The following SEMA3A variants were observed in gnomAD, a reference collection of about 807,000 sequenced individuals.
SEMA3A encodes semaphorin 3A.
In SEMA3A, 29 loss-of-function variants were observed where a neutral mutation model predicts 97.9. The ratio of observed to expected loss-of-function variants is 0.30; its 90% CI spans 0.22 to 0.40. The LOEUF (loss-of-function observed/expected upper bound fraction) is 0.40. Among genes scored for constraint, SEMA3A ranks in the 10% least tolerant of loss-of-function variants. The probability of loss-of-function intolerance (pLI) is 1.00; values close to 1 mark genes in which losing one functional copy is unlikely to be tolerated. For missense variants in SEMA3A, 763 were observed against 951.3 expected, an observed-to-expected ratio of 0.80 and a Z score of 2.60; for synonymous variants, 321 against 323.7, an observed-to-expected ratio of 0.99 and a Z score of 0.09.
At chr7:84,195,021 AGAAAG>A (rs1798179046), upstream of SEMA3A, 4 of 109,432 alleles carry the variant, frequency 3.7e-5, no homozygotes, top group Non-Finnish European at 6.0e-5. Flanking sequence ...AGAGAGAGAG[AGAAAG>A]AGAGAGAGAG....
At chr7:83,982,117 CA>C (rs1789437822) in intron 13 of SEMA3A, among the ~76,000 whole-genome samples, 1 of 152,130 alleles carries the variant, frequency 6.6e-6, no homozygotes, top group Non-Finnish European at 1.5e-5. Context: ...TCTGCCAAAC[CA>C]AAAGCTGAAG....
At chr7:84,394,432 T>C (rs548873933) in intron 1 of SEMA3A, among the ~76,000 whole-genome samples, 2 of 152,218 alleles carry the variant, frequency 1.3e-5, no homozygotes, top group African/African-American at 2.4e-5. Flanking sequence ...TTCTGTGCAT[T>C]GTTTGCTAGT....
chr7:84,335,314 G>A (rs999452212), intron 2 of SEMA3A, among the ~76,000 whole-genome samples: 1 of 152,022 alleles, frequency 6.6e-6, no homozygotes, highest in Non-Finnish European at 1.5e-5. Context: ...TACAAATTTT[G>A]CACCTTTATT....
chr7:84,223,571 A>G (rs1229454262), intron 3 of SEMA3A, among the ~76,000 whole-genome samples: 6 of 151,924 alleles, frequency 3.9e-5, no homozygotes. Context: ...TTATGTTTCA[A>G]AATTCAACTC....
chr7:84,441,206 T>G (rs1027511041), intron 1 of SEMA3A, among the ~76,000 whole-genome samples: 5 of 151,212 alleles, frequency 3.3e-5, no homozygotes, highest in Non-Finnish European at 7.4e-5. Flanking sequence ...AAACAGAAAC[T>G]GACCCTGAAA....
intron 1 of SEMA3A, among the ~76,000 whole-genome samples, chr7:84,443,896 T>A: frequency 7.0e-6 from 1 of 142,914 alleles, no homozygotes; most frequent in African/African-American, 2.6e-5. Flanking sequence ...TTTTTTTTTT[T>A]TTTTTTTTGA....
At chr7:84,394,135 A>T (rs1803662983) in intron 1 of SEMA3A, among the ~76,000 whole-genome samples, 1 of 151,164 alleles carries the variant, frequency 6.6e-6, no homozygotes, top group Non-Finnish European at 1.5e-5. Flanking sequence ...AAGAAGGATT[A>T]GGAAAAATAG....
chr7:84,375,683 G>C (rs966590911), intron 1 of SEMA3A, among the ~76,000 whole-genome samples: 6 of 152,078 alleles, frequency 3.9e-5, no homozygotes, highest in African/African-American at 1.4e-4. Flanking sequence ...TATCATCTTA[G>C]TGTTGGGAAT....
chr7:84,145,431 A>C (rs1796433980), intron 1 of SEMA3A, among the ~76,000 whole-genome samples: 1 of 152,170 alleles, frequency 6.6e-6, no homozygotes, highest in African/African-American at 2.4e-5. Flanking sequence ...AATGCAACAA[A>C]AATTTAGAAA....
At chr7:84,428,876 G>C (rs779240117) in intron 1 of SEMA3A, among the ~76,000 whole-genome samples, 7 of 152,046 alleles carry the variant, frequency 4.6e-5, no homozygotes, top group Non-Finnish European at 1.0e-4. Flanking sequence ...GTTATTTAAT[G>C]AGAGGGAGAA....
intron 1 of SEMA3A, among the ~76,000 whole-genome samples, chr7:84,417,447 A>C (rs1269510053): frequency 6.6e-6 from 1 of 152,088 alleles, no homozygotes; most frequent in Non-Finnish European, 1.5e-5. Context: ...ACTGATAAAC[A>C]TGTATAAATG....
intron 2 of SEMA3A, among the ~76,000 whole-genome samples, chr7:84,344,194 G>C (rs965273536): frequency 1.3e-5 from 2 of 152,064 alleles, no homozygotes; most frequent in African/African-American, 4.8e-5. Context: ...ATGGATTTTT[G>C]ACAATACTTT....
At chr7:84,350,244 C>T (rs970960067) in intron 2 of SEMA3A, among the ~76,000 whole-genome samples, 3 of 152,082 alleles carry the variant, frequency 2.0e-5, no homozygotes, top group African/African-American at 7.2e-5. Flanking sequence ...TTCTACATCT[C>T]CTCCTTTACT....
chr7:84,303,530 C>G (rs1204500703), intron 3 of SEMA3A, among the ~76,000 whole-genome samples: 1 of 150,828 alleles, frequency 6.6e-6, no homozygotes, highest in African/African-American at 2.4e-5. Context: ...AATAGGTGAA[C>G]ATATTGACTA....
chr7:84,211,993 C>T (rs190838293), intron 3 of SEMA3A, among the ~76,000 whole-genome samples: 1 of 152,248 alleles, frequency 6.6e-6, no homozygotes, highest in African/African-American at 2.4e-5. Flanking sequence ...TAATGTCATG[C>T]ATATCCACGT....
chr7:83,966,765 G>A (rs1241110527), intron 15 of SEMA3A, among the ~76,000 whole-genome samples: 1 of 151,554 alleles, frequency 6.6e-6, no homozygotes, highest in African/African-American at 2.4e-5. Context: ...AGGCTGGAGT[G>A]CAATGGCGTG....
At chr7:84,176,710 A>G (rs570138938) in intron 1 of SEMA3A, among the ~76,000 whole-genome samples, 2 of 152,250 alleles carry the variant, frequency 1.3e-5, no homozygotes, top group East Asian at 1.9e-4. Context: ...GTCATTCCCT[A>G]TTCAATCACA....
At chr7:84,206,557 C>T (rs1268869369) in intron 3 of SEMA3A, among the ~76,000 whole-genome samples, 1 of 151,972 alleles carries the variant, frequency 6.6e-6, no homozygotes, top group Non-Finnish European at 1.5e-5. Context: ...CTCCTGACCT[C>T]GTGATCCGCC....
chr7:84,066,119 C>T (rs1303321857), intron 4 of SEMA3A, among the ~76,000 whole-genome samples: 8 of 151,500 alleles, frequency 5.3e-5, no homozygotes, highest in African/African-American at 1.2e-4. Context: ...GTTTAATATA[C>T]GCGAATCAAT....
Sources: allele counts gnomAD v4.1 joint callset (sites outside exome capture counted in the v4.1 genomes callset), GRCh38; gene constraint gnomAD v4.1.1; transcripts MANE v1.5; gene names NCBI Gene and HGNC (gene_info 2026-07-23, HGNC 2026-07-21).